The following CLDN16 variants were observed in gnomAD, a reference collection of about 807,000 sequenced individuals.
CLDN16 encodes the protein claudin 16.
In CLDN16, 13 loss-of-function variants were observed where a neutral mutation model predicts 24.6. That is an observed-to-expected ratio of 0.53 (90% CI 0.34 to 0.84). CLDN16 has a LOEUF of 0.84. Among genes scored for constraint, CLDN16 ranks in the 40% least tolerant of loss-of-function variants. The pLI, the probability that CLDN16 is intolerant of heterozygous loss-of-function variation, is 0.01. For synonymous variants in CLDN16, 116 were observed against 106.7 expected (o/e 1.09, Z -0.54); for missense variants, 298 against 292.7 (o/e 1.02, Z -0.13).
At chr3:190,309,837 C>T in the CLDN16 span, among the ~76,000 whole-genome samples, 1 of 152,090 alleles carries the variant, frequency 6.6e-6, no homozygotes, top group Non-Finnish European at 1.5e-5. Flanking sequence ...GTGTTGTAAA[C>T]ATCAGAATAC....
intron 1 of CLDN16, among the ~76,000 whole-genome samples, chr3:190,368,330 G>A (rs540671284): frequency 3.6e-4 from 55 of 152,012 alleles, no homozygotes; most frequent in African/African-American, 1.3e-3. Flanking sequence ...ACAGAGGTCC[G>A]CCAACAATGA....
At chr3:190,390,896 C>T (rs1718638073) in intron 1 of CLDN16, among the ~76,000 whole-genome samples, 1 of 152,098 alleles carries the variant, frequency 6.6e-6, no homozygotes, top group South Asian at 2.1e-4. Context: ...AGTCATCCTC[C>T]CACCTCAGCC....
At chr3:190,313,672 G>A in the CLDN16 span, among the ~76,000 whole-genome samples, 1 of 152,034 alleles carries the variant, frequency 6.6e-6, no homozygotes, top group African/African-American at 2.4e-5. Flanking sequence ...TGTTACCTTG[G>A]GACATAGTAG....
chr3:190,296,120 A>G, the CLDN16 span, among the ~76,000 whole-genome samples: 1 of 152,228 alleles, frequency 6.6e-6, no homozygotes, highest in Admixed American at 6.5e-5. Flanking sequence ...GCTAGTTACT[A>G]TTTGAGCTTT....
At chr3:190,372,072 T>A (rs1246704118) in intron 2 of CLDN16, among the ~76,000 whole-genome samples, 1 of 152,008 alleles carries the variant, frequency 6.6e-6, no homozygotes, top group Admixed American at 6.6e-5. Context: ...TCCCATGCCC[T>A]GTCTCACAGT....
At chr3:190,338,769 TGAA>T (rs1717365824) in intron 1 of CLDN16, among the ~76,000 whole-genome samples, 1 of 152,270 alleles carries the variant, frequency 6.6e-6, no homozygotes, top group African/African-American at 2.4e-5. Context: ...ACTCAAATTC[TGAA>T]GAAGCTAAGA....
At chr3:190,398,095 A>T (rs1203738793) in intron 1 of CLDN16, among the ~76,000 whole-genome samples, 1 of 152,184 alleles carries the variant, frequency 6.6e-6, no homozygotes, top group African/African-American at 2.4e-5. Context: ...AGCTAAAGTG[A>T]ACTGGATGCA....
At chr3:190,387,497 C>T (rs1431871097), upstream of CLDN16, among the ~76,000 whole-genome samples, 1 of 152,138 alleles carries the variant, frequency 6.6e-6, no homozygotes, top group East Asian at 1.9e-4. Flanking sequence ...GACTTACAGG[C>T]ACAATATCTT....
At chr3:190,333,423 G>A (rs1554555) in intron 1 of CLDN16, among the ~76,000 whole-genome samples, 100,501 of 151,988 alleles carry the variant, frequency 0.66, 34,502 homozygotes, top group East Asian at 0.93. Flanking sequence ...TACTTTAAGT[G>A]TATGCACTAT....
chr3:190,299,932 CA>C, the CLDN16 span, among the ~76,000 whole-genome samples: 2 of 152,098 alleles, frequency 1.3e-5, no homozygotes, highest in East Asian at 3.9e-4. Flanking sequence ...TTCCTGGAAC[CA>C]AAATAACCAT....
intron 1 of CLDN16, among the ~76,000 whole-genome samples, chr3:190,393,413 A>C (rs1718729283): frequency 6.6e-6 from 1 of 152,184 alleles, no homozygotes; most frequent in Admixed American, 6.5e-5. Context: ...TGGCTGTATG[A>C]ATTTAGACAG....
chr3:190,309,000 G>A, the CLDN16 span, among the ~76,000 whole-genome samples: 4 of 152,110 alleles, frequency 2.6e-5, no homozygotes, highest in Admixed American at 2.6e-4. Context: ...AGACACTTAG[G>A]GTGGGGTATC....
upstream of CLDN16, chr3:190,322,278 C>G (rs1716949059): frequency 7.3e-7 from 1 of 1,362,694 alleles, no homozygotes; most frequent in Admixed American, 1.8e-5. Context: ...GGTGGGCAAC[C>G]CGGACTCCCG....
At chr3:190,349,615 G>A (rs932489443) in intron 1 of CLDN16, among the ~76,000 whole-genome samples, 2 of 152,148 alleles carry the variant, frequency 1.3e-5, no homozygotes, top group African/African-American at 4.8e-5. Context: ...CTATAGTATT[G>A]TTTCCCAACC....
At chr3:190,363,660 A>G (rs1717956789) in intron 1 of CLDN16, among the ~76,000 whole-genome samples, 1 of 144,306 alleles carries the variant, frequency 6.9e-6, no homozygotes, top group African/African-American at 2.6e-5. Context: ...GCAAGAGTTG[A>G]GTTGAGCTGC....
At chr3:190,346,813 C>T (rs1283324724) in intron 1 of CLDN16, among the ~76,000 whole-genome samples, 1 of 152,178 alleles carries the variant, frequency 6.6e-6, no homozygotes, top group African/African-American at 2.4e-5. Flanking sequence ...ACATGACATT[C>T]TCCCCTGTGT....
chr3:190,385,378 C>T (rs1337568230), upstream of CLDN16, among the ~76,000 whole-genome samples: 1 of 152,140 alleles, frequency 6.6e-6, no homozygotes, highest in Non-Finnish European at 1.5e-5. Context: ...CATGACTCTC[C>T]TTTTTGTATC....
intron 1 of CLDN16, 81 bp downstream of exon 1, chr3:190,388,524 G>T: frequency 8.6e-7 from 1 of 1,160,686 alleles, no homozygotes. Context: ...ACAACATTCA[G>T]TATCTTTACT....
At chr3:190,393,023 G>A (rs1718719994) in intron 1 of CLDN16, among the ~76,000 whole-genome samples, 1 of 152,140 alleles carries the variant, frequency 6.6e-6, no homozygotes, top group African/African-American at 2.4e-5. Flanking sequence ...GACAATAGTG[G>A]TCTGTACTTC....
Sources: gnomAD v4.1 joint callset for allele counts (sites outside exome capture counted in the v4.1 genomes callset) on GRCh38, gnomAD v4.1.1 for gene constraint, MANE v1.5 for transcripts, NCBI Gene and HGNC (gene_info 2026-07-23, HGNC 2026-07-21) for gene names.